ADAMTSL3: variants seen among roughly 807,000 people sequenced by gnomAD.
ADAMTSL3 encodes the protein ADAMTS like 3.
Under a neutral mutation model 201.7 loss-of-function variants are expected in ADAMTSL3, and 128 were observed. That is an observed-to-expected ratio of 0.63 (90% CI 0.55 to 0.73). ADAMTSL3 has a LOEUF of 0.73. Among genes scored for constraint, ADAMTSL3 ranks in the 30% least tolerant of loss-of-function variants. ADAMTSL3 has a pLI of 0.00. For missense variants in ADAMTSL3, 1,990 were observed against 2,119.6 expected (o/e 0.94, Z 1.20); for synonymous variants, 738 against 748.4 (o/e 0.99, Z 0.23).
chr15:83,892,542 T>C, intron 12 of ADAMTSL3, 142 bp from the exon 13 acceptor site: 9 of 785,420 alleles, frequency 1.1e-5, no homozygotes, highest in Non-Finnish European at 1.8e-5. Flanking sequence ...CAAAAAAAAG[T>C]ATAAAGTCTT....
At chr15:83,694,085 C>CCGGG (rs2061648112) in intron 2 of ADAMTSL3, among the ~76,000 whole-genome samples, 1 of 152,208 alleles carries the variant, frequency 6.6e-6, no homozygotes, top group South Asian at 2.1e-4. Flanking sequence ...ATTCCACTGC[C>CCGGG]TAGATGGGGC....
chr15:83,960,230 G>A (rs946868578), intron 19 of ADAMTSL3, among the ~76,000 whole-genome samples: 4 of 151,950 alleles, frequency 2.6e-5, no homozygotes, highest in Non-Finnish European at 5.9e-5. Flanking sequence ...TTCCTCCTTT[G>A]AAACCCAACA....
At chr15:84,035,416 G>A (rs2068486790) in intron 28 of ADAMTSL3, among the ~76,000 whole-genome samples, 1 of 152,172 alleles carries the variant, frequency 6.6e-6, no homozygotes, top group South Asian at 2.1e-4. Context: ...TGGTTGAGGA[G>A]TACTCAGTCT....
intron 4 of ADAMTSL3, among the ~76,000 whole-genome samples, chr15:83,790,934 A>C (rs2063333859): frequency 6.6e-6 from 1 of 152,238 alleles, no homozygotes; most frequent in Non-Finnish European, 1.5e-5. Context: ...GCTAAGGTGT[A>C]AATCTAACAG....
At chr15:83,805,511 C>T (rs953666487) in intron 5 of ADAMTSL3, among the ~76,000 whole-genome samples, 1 of 151,236 alleles carries the variant, frequency 6.6e-6, no homozygotes, top group Non-Finnish European at 1.5e-5. Context: ...GAGCCAAGAT[C>T]GCGCCACTGC....
At position 83,692,723 on chromosome 15, in the gene ADAMTSL3, T is replaced by C. The variant is rs139104623; in HGVS notation, c.70-11666T>C. On this transcript the variant is annotated intron_variant, in intron 2 of 29. Transcript: ENST00000286744. ...AAAAAAAAAAGAATTTTGAAAGCCA[T>C]GAGCATCCAAACAGCAAATCTGGCA... Among the ~76,000 whole-genome samples, 706 of 147,234 alleles carry C rather than the reference T, an allele frequency of 4.8e-3. 8 individuals carry two copies. The highest frequency in any genetic ancestry group is 0.017 in the African/African-American group (678 of 39,604).
chr15:83,936,089 G>T (rs2066455084), intron 17 of ADAMTSL3, among the ~76,000 whole-genome samples: 1 of 151,932 alleles, frequency 6.6e-6, no homozygotes, highest in South Asian at 2.1e-4. Flanking sequence ...ATATTGTAAA[G>T]ATATTTAATC....
chr15:83,774,675 G>C (rs2063041769), intron 4 of ADAMTSL3, among the ~76,000 whole-genome samples: 1 of 152,218 alleles, frequency 6.6e-6, no homozygotes, highest in Non-Finnish European at 1.5e-5. Context: ...TTCTTGCAAA[G>C]AGAATGTGTT....
intron 19 of ADAMTSL3, among the ~76,000 whole-genome samples, chr15:83,953,149 G>C (rs889772484): frequency 6.6e-6 from 1 of 152,128 alleles, no homozygotes. Flanking sequence ...TTGATAAGTA[G>C]GGACTTTCTC....
chr15:83,903,970 A>AGGAGGGAGGGAGGG (rs1567226231), intron 15 of ADAMTSL3, among the ~76,000 whole-genome samples: 1 of 116,604 alleles, frequency 8.6e-6, no homozygotes, highest in Non-Finnish European at 1.7e-5. Flanking sequence ...GAAAGAAAGA[A>AGGAGGGAGGGAGGG]AAGGAGCTAC....
At position 83,677,847 on chromosome 15, in the gene ADAMTSL3, G is replaced by T. The variant is rs76366555; in HGVS notation, c.69+22017G>T. 3.4e-3 allele frequency among the ~76,000 whole-genome samples: 506 copies of T among 150,214 alleles called. 16 individuals carry two copies. In the East Asian group the frequency reaches 0.064, roughly 19 times the overall value. On this transcript the variant is annotated intron_variant, in intron 2 of 29. Coordinates refer to ENST00000286744, the MANE Select transcript of ADAMTSL3 (RefSeq NM_207517.3). ...TTTGTCTTTAGTCTCACTTTTTTTT[G>T]TTCTGCTGTTTCCCTTTTCTTGCCT...
rs140091774 is a variant in ADAMTSL3 at position 83,970,584 on chromosome 15, G to A, written c.2591G>A (p.Arg864Lys). 3.2e-4 allele frequency: 523 copies of A among 1,614,090 alleles called. No homozygotes were observed. Among genetic ancestry groups the A allele is most frequent in the Non-Finnish European group, 4.2e-4 (500 of 1,180,040 alleles). Residue 864 changes from arginine (R) to lysine (K), a missense_variant, in exon 20 of 30, where the codon AGG becomes AAG. By Grantham distance (26) the Arg-to-Lys change is conservative (BLOSUM62 2). Transcript: ENST00000286744. Reference sequence around the variant, plus strand: ...ATCCCCCTCAGTGAGATGATGTGCAGGGATCTACCAGGGCTCCCTCTTGTA... The same window carrying A: ...ATCCCCCTCAGTGAGATGATGTGCAAGGATCTACCAGGGCTCCCTCTTGTA... ...RRIPLSEMMC[R>K]DLPGLPLVRS...
chr15:83,757,845 A>G (rs895110920), intron 3 of ADAMTSL3, among the ~76,000 whole-genome samples: 2 of 152,176 alleles, frequency 1.3e-5, no homozygotes, highest in African/African-American at 2.4e-5. Context: ...CTCAAGTTCA[A>G]AGTTCCACAT....
chr15:83,865,659 C>T lies in ADAMTSL3; in HGVS notation c.803-5143C>T, dbSNP rs923798083. ...ATGTTTGACCTAAAACCATAAAAAC[C>T]CTAGAAGAAAACCTAGGCAATACCA... is the stretch of plus-strand genomic sequence containing the variant. On this transcript the variant is annotated intron_variant, in intron 8 of 29. Transcript: ENST00000286744. 3.3e-5 allele frequency among the ~76,000 whole-genome samples: 5 copies of T among 152,004 alleles called. No individual in the cohort carries two copies. In the South Asian group the frequency reaches 8.3e-4, roughly 25 times the overall value.
intron 6 of ADAMTSL3, among the ~76,000 whole-genome samples, chr15:83,824,707 G>A (rs1031290264): frequency 6.6e-5 from 10 of 152,018 alleles, no homozygotes; most frequent in African/African-American, 1.9e-4. Flanking sequence ...TGCCTTTTCC[G>A]GAATGTCACA....
At chr15:83,761,751 G>T (rs1276787338) in intron 3 of ADAMTSL3, among the ~76,000 whole-genome samples, 1 of 152,040 alleles carries the variant, frequency 6.6e-6, no homozygotes, top group East Asian at 1.9e-4. Context: ...TTATGTTTAA[G>T]AATTTATTTT....
At chr15:83,969,590 C>A (rs2067155047) in intron 19 of ADAMTSL3, among the ~76,000 whole-genome samples, 1 of 152,102 alleles carries the variant, frequency 6.6e-6, no homozygotes, top group Non-Finnish European at 1.5e-5. Context: ...GATGGATGAA[C>A]CTAGAGGACA....
chr15:83,780,000 A>G (rs1022005391), intron 4 of ADAMTSL3, among the ~76,000 whole-genome samples: 1 of 152,186 alleles, frequency 6.6e-6, no homozygotes, highest in South Asian at 2.1e-4. Context: ...ATTTAACAAC[A>G]TAACATCACA....
At chr15:83,659,071 C>T (rs972069452) in intron 2 of ADAMTSL3, among the ~76,000 whole-genome samples, 12 of 152,180 alleles carry the variant, frequency 7.9e-5, no homozygotes, top group Non-Finnish European at 1.0e-4. Context: ...GTTTGCCCCT[C>T]GGGAGGTGCT....
Sources: gnomAD v4.1 joint callset for allele counts (sites outside exome capture counted in the v4.1 genomes callset) on GRCh38, gnomAD v4.1.1 for gene constraint, MANE v1.5 for transcripts, NCBI Gene and HGNC (gene_info 2026-07-23, HGNC 2026-07-21) for gene names.